The following IL20RA variants were observed in gnomAD, a reference collection of about 807,000 sequenced individuals.
IL20RA encodes interleukin 20 receptor subunit alpha.
IL20RA carries 29 observed loss-of-function variants against 36.5 expected under a neutral mutation model. The observed-to-expected ratio is 0.79, with a 90% confidence interval of 0.59 to 1.08. IL20RA has a LOEUF of 1.08. Ranked by LOEUF, IL20RA falls within the 50% of genes least tolerant of loss-of-function variation. The pLI is 0.00. For missense variants in IL20RA, 652 were observed against 668.4 expected (o/e 0.98, Z 0.27); for synonymous variants, 279 against 267.1 (o/e 1.04, Z -0.43).
intron 5 of IL20RA, among the ~76,000 whole-genome samples, chr6:137,005,799 G>A (rs1428613430): frequency 1.3e-5 from 2 of 152,122 alleles, no homozygotes; most frequent in Admixed American, 1.3e-4. Flanking sequence ...CTAAGGAACA[G>A]GGAATTCTGC....
At chr6:137,044,261 G>A in intron 1 of IL20RA, 2 of 993,424 alleles carry the variant, frequency 2.0e-6, no homozygotes, top group Non-Finnish European at 2.4e-6. Context: ...CGGTGGTGGC[G>A]GGAACCTGGG....
chr6:137,004,158 GCTT>G (rs1168695965), intron 6 of IL20RA, among the ~76,000 whole-genome samples: 1 of 23,362 alleles, frequency 4.3e-5, no homozygotes. Context: ...AATCCAGAAA[GCTT>G]TTTTTTTTTT....
At chr6:137,044,132 C>A in intron 1 of IL20RA, 3 of 985,710 alleles carry the variant, frequency 3.0e-6, no homozygotes, top group Non-Finnish European at 3.6e-6. Context: ...TCCTTCGGGG[C>A]TGACCCTTTC....
chr6:137,035,753 G>A (rs979149790), intron 1 of IL20RA, among the ~76,000 whole-genome samples: 5 of 152,128 alleles, frequency 3.3e-5, no homozygotes, highest in Non-Finnish European at 5.9e-5. Context: ...CCTACATTAT[G>A]GGCTGCATGT....
At chr6:137,030,070 G>GTTTTTTTTTTTTTTTTTTTTT (rs1188809232) in intron 1 of IL20RA, among the ~76,000 whole-genome samples, 2 of 62,804 alleles carry the variant, frequency 3.2e-5, no homozygotes, top group Non-Finnish European at 5.4e-5. Flanking sequence ...CGGTTTGCGG[G>GTTTTTTTTTTTTTTTTTTTTT]TTTTTTTTTT....
rs1163303229 is a variant in IL20RA, at chr6:137,017,228, T to A, written c.89-125A>T. 1.6e-5 allele frequency: 11 copies of A among 676,056 alleles called. No individual in the cohort carries two copies. In the African/African-American group the frequency reaches 2.0e-4, roughly 12 times the overall value. The allele number at this position is 676,056 out of a possible 1,614,324, so 41.9% of individuals were successfully genotyped here. A position where few individuals can be genotyped will look rare whatever the true frequency, so the allele number is the denominator to read the frequency against. On this transcript the variant is annotated intron_variant, in intron 1 of 6. Transcript: ENST00000316649. The stretch of plus-strand genomic sequence containing the variant: ...TCCAGTATGCATGCCCTATGTAACA[T>A]CTCTGAAATGGAAAAGAGAATGTGG...
intron 1 of IL20RA, among the ~76,000 whole-genome samples, chr6:137,034,894 G>A (rs895960267): frequency 7.3e-5 from 11 of 150,786 alleles, no homozygotes; most frequent in Admixed American, 3.3e-4. Flanking sequence ...GCAGTGAGCC[G>A]AGATTGTGCC....
intron 3 of IL20RA, among the ~76,000 whole-genome samples, chr6:137,009,962 T>G (rs1189136334): frequency 6.6e-6 from 1 of 152,160 alleles, no homozygotes; most frequent in Non-Finnish European, 1.5e-5. Context: ...GCCTGAGATA[T>G]GCCAGATCTT....
chr6:137,009,004 G>T, intron 4 of IL20RA: 1 of 553,526 alleles, frequency 1.8e-6, no homozygotes, highest in South Asian at 2.9e-5. Context: ...CATTGTCCTG[G>T]GTCCTTGCTC....
At chr6:137,017,341 G>C (rs1343311486) in intron 1 of IL20RA, among the ~76,000 whole-genome samples, 3 of 152,172 alleles carry the variant, frequency 2.0e-5, no homozygotes, top group African/African-American at 7.2e-5. Flanking sequence ...ACTTGCTGGA[G>C]AGACCATGTT....
intron 1 of IL20RA, 101 bp downstream of exon 1, chr6:137,044,540 G>T: frequency 8.8e-7 from 1 of 1,141,892 alleles, no homozygotes; most frequent in Non-Finnish European, 1.1e-6. Context: ...AGCGAAACCT[G>T]GCCGGCGGGC....
At chr6:137,027,387 T>C (rs1186758711) in intron 1 of IL20RA, among the ~76,000 whole-genome samples, 1 of 152,222 alleles carries the variant, frequency 6.6e-6, no homozygotes, top group East Asian at 1.9e-4. Flanking sequence ...CTCAGTTTTC[T>C]CTGTAATAAT....
At chr6:137,044,144 G>A in intron 1 of IL20RA, 1 of 985,778 alleles carries the variant, frequency 1.0e-6, no homozygotes, top group Non-Finnish European at 1.2e-6. Context: ...GACCCTTTCG[G>A]GGAGTTTGGC....
intron 1 of IL20RA, among the ~76,000 whole-genome samples, chr6:137,027,056 T>C (rs144273205): frequency 4.1e-4 from 62 of 152,160 alleles, no homozygotes; most frequent in Non-Finnish European, 8.1e-4. Context: ...CTAATTTTTG[T>C]ATTTTTAGTG....
intron 1 of IL20RA, among the ~76,000 whole-genome samples, chr6:137,023,159 T>C (rs1775965646): frequency 6.6e-6 from 1 of 151,590 alleles, no homozygotes; most frequent in South Asian, 2.1e-4. Context: ...AAAACAAATA[T>C]ATACATAAAA....
intron 2 of IL20RA, among the ~76,000 whole-genome samples, chr6:137,016,301 C>T (rs1014068762): frequency 1.3e-5 from 2 of 152,206 alleles, no homozygotes; most frequent in Non-Finnish European, 2.9e-5. Context: ...CTTAGATTTC[C>T]ATGCTCTCAG....
In IL20RA at chr6:137,044,671, A is replaced by ACAGCAGCAGCGGCGGCAGCGG; in HGVS notation, c.37_57dup (p.Pro13_Leu19dup). On this transcript the variant is annotated inframe_insertion, in exon 1 of 7. Coordinates refer to ENST00000316649, the MANE Select transcript of IL20RA (RefSeq NM_014432.4). Reference sequence around the variant, plus strand: ...CGTCCCCAAGGCGCCGCCAGGAGCAACAGCAGCAGCGGCGGCAGCGGCAGC... The same window carrying ACAGCAGCAGCGGCGGCAGCGG: ...CGTCCCCAAGGCGCCGCCAGGAGCAACAGCAGCAGCGGCGGCAGCGGCAGCAGCAGCGGCGGCAGCGGCAGC... 1 of 1,224,242 alleles carries ACAGCAGCAGCGGCGGCAGCGG rather than the reference A, an allele frequency of 8.2e-7. No homozygotes were observed. The highest frequency in any genetic ancestry group is 1.0e-6 in the Non-Finnish European group (1 of 983,022). The allele number at this position is 1,224,242 out of a possible 1,614,324, so 75.8% of individuals were successfully genotyped here.
At position 137,021,383 on chromosome 6, in the gene IL20RA, G is replaced by A. The variant is rs79561978; in HGVS notation, c.89-4280C>T. Among the ~76,000 whole-genome samples the A allele has an allele frequency of 9.6e-3, 1,455 of 151,938 alleles. 26 individuals carry two copies. The highest frequency in any genetic ancestry group is 0.034 in the African/African-American group (1,398 of 41,432). On this transcript the variant is annotated intron_variant, in intron 1 of 6. Transcript: ENST00000316649. The stretch of plus-strand genomic sequence containing the variant: ...TGGGTATGATTAAAAATAATGTTGT[G>A]GCCAGGCGTGGTATCTCACACCTGT...
chr6:137,011,418 AT>A lies in IL20RA; in HGVS notation c.258del (p.Glu86AspfsTer48). ...YGQKKWLNKSECRNINRTYCD... is the reference protein window; with the variant it reads ...YGQKKWLNKSXCRNINRTYCD... Reference sequence around the variant, plus strand: ...CAGTAGGTTCTATTGATATTTCTGCATTCTGATTTATTCAGCCATTTCTTTT... The same window carrying A: ...CAGTAGGTTCTATTGATATTTCTGCATCTGATTTATTCAGCCATTTCTTTT... On this transcript the variant is annotated frameshift_variant, in exon 3 of 7. Transcript: ENST00000316649. LOFTEE classifies it high-confidence loss of function. The A allele has an allele frequency of 6.2e-7, 1 of 1,613,302 alleles. No individual in the cohort carries two copies. Among genetic ancestry groups the A allele is most frequent in the Non-Finnish European group, 8.5e-7 (1 of 1,179,604 alleles).
Sources: gnomAD v4.1 joint callset for allele counts (sites outside exome capture counted in the v4.1 genomes callset) on GRCh38, gnomAD v4.1.1 for gene constraint, MANE v1.5 for transcripts, NCBI Gene and HGNC (gene_info 2026-07-23, HGNC 2026-07-21) for gene names.